Variants in C2orf76 observed in about 807,000 individuals in gnomAD.
C2orf76 encodes UPF0538 protein C2orf76.
A neutral mutation model predicts 16.9 loss-of-function variants in C2orf76; 23 were observed. That is an observed-to-expected ratio of 1.36 (90% CI 0.98 to 1.93). The LOEUF (loss-of-function observed/expected upper bound fraction) is 1.93. C2orf76 is among the 30% of genes most tolerant of loss of function. The probability of loss-of-function intolerance (pLI) is 0.00; values close to 1 mark genes in which losing one functional copy is unlikely to be tolerated. For missense variants in C2orf76, 152 were observed against 152.6 expected (o/e 1.00, Z 0.02); for synonymous variants, 48 against 52.3 (o/e 0.92, Z 0.35).
chr2:119,357,888 C>A (rs995757890), intron 1 of C2orf76, among the ~76,000 whole-genome samples: 1 of 152,142 alleles, frequency 6.6e-6, no homozygotes, highest in Non-Finnish European at 1.5e-5. Flanking sequence ...GGCAAAGTCA[C>A]AGGATACAAA....
chr2:119,319,148 T>C (rs1452909268), intron 3 of C2orf76, among the ~76,000 whole-genome samples: 1 of 152,172 alleles, frequency 6.6e-6, no homozygotes, highest in Admixed American at 6.5e-5. Flanking sequence ...CTGACCTTAC[T>C]AAATATTAAT....
downstream of C2orf76, among the ~76,000 whole-genome samples, chr2:119,298,036 T>C (rs1406584045): frequency 2.0e-5 from 3 of 152,044 alleles, no homozygotes; most frequent in African/African-American, 7.2e-5. Flanking sequence ...GTCAAACTCC[T>C]AGGCTCAAGC....
the C2orf76 span, among the ~76,000 whole-genome samples, chr2:119,296,224 C>G: frequency 3.3e-5 from 5 of 152,252 alleles, no homozygotes; most frequent in Non-Finnish European, 5.9e-5. Context: ...GGCCTGCAGA[C>G]AGAAAGGCCC....
intron 5 of C2orf76, among the ~76,000 whole-genome samples, chr2:119,307,246 C>T (rs1160008819): frequency 1.4e-5 from 2 of 147,712 alleles, no homozygotes; most frequent in African/African-American, 2.5e-5. Flanking sequence ...TCAAGACCAG[C>T]CTGGCCAACG....
chr2:119,324,299 T>G (rs1438137444), intron 2 of C2orf76, among the ~76,000 whole-genome samples: 1 of 152,204 alleles, frequency 6.6e-6, no homozygotes. Flanking sequence ...TGCCTTTACA[T>G]CTTAACTGAA....
intron 1 of C2orf76, among the ~76,000 whole-genome samples, chr2:119,358,519 A>G (rs1196014353): frequency 6.7e-6 from 1 of 149,316 alleles, no homozygotes; most frequent in Admixed American, 6.8e-5. Flanking sequence ...TGCAGATTGC[A>G]GTGAGCCGAA....
chr2:119,339,265 T>C (rs536515304), intron 2 of C2orf76, among the ~76,000 whole-genome samples: 2 of 152,310 alleles, frequency 1.3e-5, no homozygotes, highest in African/African-American at 2.4e-5. Context: ...ATTGGAACAC[T>C]TCAATAATTA....
At chr2:119,286,543 TGGA>T in the C2orf76 span, among the ~76,000 whole-genome samples, 1 of 151,948 alleles carries the variant, frequency 6.6e-6, no homozygotes, top group Non-Finnish European at 1.5e-5. Context: ...ATTCCATAGC[TGGA>T]GGAGAAGCTG....
chr2:119,337,437 G>A (rs1356279590), intron 2 of C2orf76, among the ~76,000 whole-genome samples: 2 of 152,082 alleles, frequency 1.3e-5, no homozygotes, highest in African/African-American at 2.4e-5. Context: ...ACTTTAGAGG[G>A]ATGCTGTGAG....
intron 1 of C2orf76, among the ~76,000 whole-genome samples, chr2:119,364,839 G>A (rs892124782): frequency 6.6e-6 from 1 of 152,098 alleles, no homozygotes; most frequent in Non-Finnish European, 1.5e-5. Context: ...ACCACGTTAG[G>A]AGGCCAAAGT....
At chr2:119,354,142 C>T (rs1047744466) in intron 1 of C2orf76, among the ~76,000 whole-genome samples, 51 of 152,082 alleles carry the variant, frequency 3.4e-4, no homozygotes, top group Admixed American at 2.0e-4. Flanking sequence ...TGTACAATTA[C>T]GTGTCAATTA....
intron 1 of C2orf76, among the ~76,000 whole-genome samples, chr2:119,358,451 A>G (rs1680640737): frequency 6.6e-6 from 1 of 151,932 alleles, no homozygotes; most frequent in Admixed American, 6.6e-5. Flanking sequence ...CGTGGTGTGC[A>G]TCTGTAATCC....
Position 119,316,292 on chromosome 2 carries a change from G to A in C2orf76, c.222+1174C>T, listed in dbSNP as rs60597145. Among the ~76,000 whole-genome samples, 1,520 of 152,258 alleles carry A rather than the reference G, an allele frequency of 1.0e-2. 148 individuals are homozygous for A. The East Asian group carries it at 0.23, about 23-fold the overall frequency. On this transcript the variant is annotated intron_variant, in intron 4 of 5. Coordinates refer to ENST00000334816, the MANE Select transcript of C2orf76 (RefSeq NM_001322331.2). ...GATTCCATACCACAGCCCCAGACAC[G>A]TGTGAGCATGACATTTTGAGGCATT...
chr2:119,311,705 T>TAA lies in C2orf76; in HGVS notation c.223-4_223-3dup, dbSNP rs112925717. The TAA allele has an allele frequency of 5.8e-4, 762 of 1,313,710 alleles. 1 individual carries two copies. The African/African-American group carries it at 6.8e-3, about 12-fold the overall frequency. 81.4% of individuals were successfully genotyped at this position (1,313,710 alleles called of 1,614,324 possible). ...CAAACTCAACACAAGTTCATTTGTC[T>TAA]AAAAAAAAAAAAGAAAATCTGCATT... On this transcript the variant is annotated splice_region_variant and splice_polypyrimidine_tract_variant and intron_variant, in intron 4 of 5. Transcript: ENST00000334816.
intron 5 of C2orf76, chr2:119,311,184 C>G (rs893558679): frequency 1.7e-5 from 17 of 985,282 alleles, no homozygotes; most frequent in Non-Finnish European, 1.8e-5. Context: ...AATTCCATGC[C>G]TTGGTGGGCC....
chr2:119,357,676 GGAAAA>G (rs1241960357), intron 1 of C2orf76, among the ~76,000 whole-genome samples: 3 of 150,638 alleles, frequency 2.0e-5, no homozygotes, highest in African/African-American at 7.3e-5. Context: ...TCAGGAACAA[GGAAAA>G]ATAGCCATTC....
chr2:119,314,098 T>G (rs1255185708), intron 4 of C2orf76, among the ~76,000 whole-genome samples: 1 of 147,362 alleles, frequency 6.8e-6, no homozygotes, highest in East Asian at 2.0e-4. Context: ...AAGTAAAATG[T>G]ATCAATCTCA....
intron 1 of C2orf76, among the ~76,000 whole-genome samples, chr2:119,361,158 T>A (rs1355347227): frequency 6.6e-6 from 1 of 152,256 alleles, no homozygotes; most frequent in African/African-American, 2.4e-5. Context: ...CTCTCTAGGC[T>A]ACAGTAGTCC....
At chr2:119,325,457 C>CACAAA (rs1679480076) in intron 2 of C2orf76, among the ~76,000 whole-genome samples, 1 of 59,784 alleles carries the variant, frequency 1.7e-5, no homozygotes, top group Admixed American at 2.1e-4. Flanking sequence ...AAGACTGTCT[C>CACAAA]AAAAAAAAAA....
Sources: gnomAD v4.1 joint callset for allele counts (sites outside exome capture counted in the v4.1 genomes callset) on GRCh38, gnomAD v4.1.1 for gene constraint, MANE v1.5 for transcripts, NCBI Gene and HGNC (gene_info 2026-07-23, HGNC 2026-07-21) for gene names.